Variants in AQR observed in about 807,000 individuals in gnomAD.
AQR encodes the protein aquarius intron-binding spliceosomal factor.
A neutral mutation model predicts 180.5 loss-of-function variants in AQR; 61 were observed. The ratio of observed to expected loss-of-function variants is 0.34; its 90% CI spans 0.28 to 0.42. AQR has a LOEUF of 0.42. AQR is among the 10% of genes least tolerant of loss of function. AQR has a pLI of 1.00. For synonymous variants in AQR, 551 were observed against 588.8 expected (o/e 0.94, Z 0.93); for missense variants, 1,281 against 1,798.3 (o/e 0.71, Z 5.20).
rs1293892432 is a variant in AQR at position 34,941,010 on chromosome 15, G to C, written c.541-11C>G. The C allele has an allele frequency of 6.4e-7, 1 of 1,564,448 alleles. No homozygotes were observed. Among genetic ancestry groups the C allele is most frequent in the Non-Finnish European group, 8.7e-7 (1 of 1,143,698 alleles). On this transcript the variant is annotated splice_polypyrimidine_tract_variant and intron_variant, in intron 7 of 34. Transcript: ENST00000156471. ...TAATTCCAATCGTGCCTGAAGAAGA[G>C]ATGTGTTATTAAATTACCAGTAGCC...
At chr15:34,864,722 T>C (rs1239420346) in intron 32 of AQR, among the ~76,000 whole-genome samples, 13 of 152,172 alleles carry the variant, frequency 8.5e-5, no homozygotes, top group Non-Finnish European at 2.9e-5. Flanking sequence ...AGATACAGCA[T>C]TATTGCAATG....
Position 34,882,656 on chromosome 15 carries a change from C to A in AQR, c.3028-17G>T. ...TCTGAATTCCTATGGAAACGAGGAG[C>A]AATGAAAGATAATTTTAGGAAAACG... is the stretch of plus-strand genomic sequence containing the variant. On this transcript the variant is annotated splice_polypyrimidine_tract_variant and intron_variant, in intron 26 of 34. Coordinates refer to ENST00000156471, the MANE Select transcript of AQR (RefSeq NM_014691.3). The A allele has an allele frequency of 1.3e-6, 2 of 1,587,276 alleles. No homozygotes were observed. Among genetic ancestry groups the A allele is most frequent in the Non-Finnish European group, 1.7e-6 (2 of 1,167,818 alleles).
intron 16 of AQR, among the ~76,000 whole-genome samples, chr15:34,911,417 T>TA: frequency 6.6e-6 from 1 of 152,312 alleles, no homozygotes; most frequent in Admixed American, 6.5e-5. Flanking sequence ...CAATAGTGTA[T>TA]AAGAGTTCCC....
In AQR at chr15:34,943,293, A is replaced by G. The variant is rs985756901; in HGVS notation, c.471+995T>C. 2.6e-6 allele frequency: 4 copies of G among 1,561,920 alleles called. No homozygotes were observed. The East Asian group carries it at 9.0e-5, about 35-fold the overall frequency. ...AAAGATTGTGCTAAGGCTTGAGTGC[A>G]TTGAGCCCAACTGCAGATCTAAGAG... is the stretch of plus-strand genomic sequence containing the variant. On this transcript the variant is annotated intron_variant, in intron 6 of 34. Transcript: ENST00000156471.
chr15:34,882,596 G>C lies in AQR; in HGVS notation c.3071C>G (p.Ser1024Cys). The C allele has an allele frequency of 6.2e-7, 1 of 1,612,122 alleles. No homozygotes were observed. Among genetic ancestry groups the C allele is most frequent in the Non-Finnish European group, 8.5e-7 (1 of 1,179,044 alleles). The change falls in exon 27 of 35, where the codon TCT becomes TGT. Residue 1024 changes from serine to cysteine, a missense_variant. Ser to Cys is a moderately radical substitution (Grantham distance 112, BLOSUM62 -1). Around this residue, in one of 9 missense-constraint regions of AQR, gnomAD observed 125 missense variants for 185.0 expected, o/e 0.68. Coordinates refer to ENST00000156471, the MANE Select transcript of AQR (RefSeq NM_014691.3). ...GGCTTCTTTCACTAAAAGGTATTTA[G>C]ATCTGTCCAGTCCACTTCGAAGCAA... Reference protein sequence around the residue: ...SELLRSGLDRSKYLLVKEAKI... With the variant: ...SELLRSGLDRCKYLLVKEAKI...
chr15:34,896,742 G>C (rs1893250433), intron 22 of AQR, among the ~76,000 whole-genome samples, 155 bp downstream of exon 22: 1 of 152,098 alleles, frequency 6.6e-6, no homozygotes, highest in African/African-American at 2.4e-5. Context: ...TCAGCTACTT[G>C]GGAGGCTTAG....
intron 11 of AQR, among the ~76,000 whole-genome samples, chr15:34,931,069 C>G (rs1018909001): frequency 1.3e-5 from 2 of 152,170 alleles, no homozygotes; most frequent in African/African-American, 4.8e-5. Flanking sequence ...ATCTCCTGAC[C>G]TCATGATCCG....
At chr15:34,941,967 A>G (rs1894029308) in intron 7 of AQR, 45 bp downstream of exon 7, 2 of 1,489,816 alleles carry the variant, frequency 1.3e-6, no homozygotes, top group Non-Finnish European at 1.9e-6. Context: ...CACACGTTCT[A>G]CTTATAACAC....
intron 25 of AQR, 87 bp downstream of exon 25, chr15:34,886,439 T>C (rs1566982340): frequency 7.1e-7 from 1 of 1,399,424 alleles, no homozygotes; most frequent in Non-Finnish European, 9.6e-7. Context: ...AAATAAGCTT[T>C]CATGAAGGAT....
chr15:34,869,427 A>T (rs1168224444), intron 31 of AQR: 1 of 151,956 alleles, frequency 6.6e-6, no homozygotes, highest in Non-Finnish European at 1.5e-5. Flanking sequence ...TTATGTGTGG[A>T]TATTATACCT....
intron 13 of AQR, among the ~76,000 whole-genome samples, chr15:34,921,954 G>T (rs780685181): frequency 6.6e-6 from 1 of 152,056 alleles, no homozygotes; most frequent in Non-Finnish European, 1.5e-5. Context: ...GGAACCACAG[G>T]TGCCCACCAC....
chr15:34,901,768 TTATCCCTAC>T (rs1893335590), intron 19 of AQR, among the ~76,000 whole-genome samples: 1 of 152,196 alleles, frequency 6.6e-6, no homozygotes, highest in African/African-American at 2.4e-5. Flanking sequence ...GTTATTTGTT[TTATCCCTAC>T]TATCCCTACT....
In AQR at chr15:34,900,614, G is replaced by T; in HGVS notation, c.2243+8C>A. 1 of 1,612,670 alleles carries T rather than the reference G, an allele frequency of 6.2e-7. No individual in the cohort carries two copies. Among genetic ancestry groups the T allele is most frequent in the Non-Finnish European group, 8.5e-7 (1 of 1,179,208 alleles). On this transcript the variant is annotated splice_region_variant and intron_variant, in intron 20 of 34. Transcript: ENST00000156471. ...GCTGGAGAGGAGCGTACCCAGTTCT[G>T]ACTTTACCTGAAAGGGGGTATTTGT...
chr15:34,866,611 C>T (rs1177055361), intron 32 of AQR, among the ~76,000 whole-genome samples: 2 of 152,006 alleles, frequency 1.3e-5, no homozygotes, highest in African/African-American at 2.4e-5. Context: ...TTCATATATT[C>T]ATACTGTAAG....
chr15:34,966,942 T>C (rs970622917), intron 1 of AQR, among the ~76,000 whole-genome samples: 7 of 134,834 alleles, frequency 5.2e-5, no homozygotes, highest in Non-Finnish European at 1.1e-4. Flanking sequence ...AATGGCGTGA[T>C]CTCAGCTCAC....
At position 34,855,296 on chromosome 15, in the gene AQR, A is replaced by C. The variant is rs1021140780; in HGVS notation, c.*1496T>G. 6.6e-6 allele frequency: 1 copy of C among 152,234 alleles called. No individual in the cohort carries two copies. The highest frequency in any genetic ancestry group is 1.5e-5 in the Non-Finnish European group (1 of 68,042). The allele number at this position is 152,234 out of a possible 1,614,324, so 9.4% of individuals were successfully genotyped here. On this transcript the variant is annotated 3_prime_UTR_variant, in exon 35 of 35. Coordinates refer to ENST00000156471, the MANE Select transcript of AQR (RefSeq NM_014691.3). The stretch of plus-strand genomic sequence containing the variant: ...ACTTTCTGGGTTTAATTTCCCTATG[A>C]AGCAATCATTCCTTCAAAATGTCAG...
intron 7 of AQR, 23 bp downstream of exon 7, chr15:34,941,989 A>G (rs758019065): frequency 6.3e-7 from 1 of 1,583,814 alleles, no homozygotes. Flanking sequence ...TACATTCATA[A>G]GACTCTGAAA....
chr15:34,878,798 A>C (rs1892925869), intron 27 of AQR, among the ~76,000 whole-genome samples: 2 of 152,166 alleles, frequency 1.3e-5, no homozygotes, highest in Non-Finnish European at 2.9e-5. Flanking sequence ...TGGGAGCCCG[A>C]GGCTGGATCA....
rs947180883 is a variant in AQR at position 34,938,557 on chromosome 15, T to C, written c.718+180A>G. ...CAAAAAATAAATAAATAAAATAAAATAACCCTTAAAGGCAGTCCCAATACT... is the reference window on the plus strand; with the variant it reads ...CAAAAAATAAATAAATAAAATAAAACAACCCTTAAAGGCAGTCCCAATACT... On this transcript the variant is annotated intron_variant, in intron 9 of 34. Transcript: ENST00000156471. Among the ~76,000 whole-genome samples, 4 of 151,892 alleles carry C rather than the reference T, an allele frequency of 2.6e-5. No homozygotes were observed. In the East Asian group the frequency reaches 7.7e-4, roughly 29 times the overall value.
Sources: allele counts gnomAD v4.1 joint callset (sites outside exome capture counted in the v4.1 genomes callset), GRCh38; gene constraint gnomAD v4.1.1; regional missense constraint gnomAD v4.1.1; transcripts MANE v1.5; gene names NCBI Gene and HGNC (gene_info 2026-07-23, HGNC 2026-07-21).